The following ACACA variants were observed in gnomAD, a reference collection of about 807,000 sequenced individuals.
ACACA encodes the protein acetyl-CoA carboxylase 1.
A neutral mutation model predicts 296.1 loss-of-function variants in ACACA; 103 were observed. The observed-to-expected ratio is 0.35, with a 90% CI of 0.30 to 0.41. ACACA has a LOEUF of 0.41. Ranked by LOEUF, ACACA falls within the 10% of genes least tolerant of loss-of-function variation. The probability of loss-of-function intolerance (pLI) is 1.00; values close to 1 mark genes in which losing one functional copy is unlikely to be tolerated. For missense variants in ACACA, 1,554 were observed against 2,989.7 expected, an observed-to-expected ratio of 0.52 and a Z score of 11.20; for synonymous variants, 953 against 1,038.6, an observed-to-expected ratio of 0.92 and a Z score of 1.58.
chr17:37,320,694 C>A (rs756819604), intron 3 of ACACA, among the ~76,000 whole-genome samples: 1 of 152,010 alleles, frequency 6.6e-6, no homozygotes, highest in Non-Finnish European at 1.5e-5. Flanking sequence ...TGCCTGTAAT[C>A]CCAGCACTTT....
intron 1 of ACACA, among the ~76,000 whole-genome samples, chr17:37,351,686 G>T (rs1350880910): frequency 6.6e-6 from 1 of 152,096 alleles, no homozygotes; most frequent in Non-Finnish European, 1.5e-5. Context: ...TTATCTCCTA[G>T]ATGAGGCTGG....
chr17:37,258,524 A>C, intron 12 of ACACA, 151 bp from the exon 13 acceptor site: 1 of 741,090 alleles, frequency 1.3e-6, no homozygotes, highest in Non-Finnish European at 2.2e-6. Context: ...ATCAACTCTA[A>C]GTTGCTTGAA....
intron 19 of ACACA, 115 bp from the exon 20 acceptor site, chr17:37,245,329 G>GAAAAAA: frequency 9.8e-7 from 1 of 1,019,470 alleles, no homozygotes; most frequent in South Asian, 1.4e-5. Flanking sequence ...ATTTGACCAA[G>GAAAAAA]AAAAAATGGG....
chr17:37,402,498 C>G (rs2051325931), intron 1 of ACACA, among the ~76,000 whole-genome samples: 1 of 152,106 alleles, frequency 6.6e-6, no homozygotes, highest in South Asian at 2.1e-4. Context: ...CAAATGGAGA[C>G]TTTACTGAGA....
At chr17:37,181,084 G>A (rs1666094082) in intron 40 of ACACA, 117 bp downstream of exon 40, 3 of 1,070,320 alleles carry the variant, frequency 2.8e-6, no homozygotes, top group Non-Finnish European at 4.3e-6. Flanking sequence ...TGAAAACAGT[G>A]TCAAGATATT....
At chr17:37,166,319 T>G (rs568473905) in intron 41 of ACACA, among the ~76,000 whole-genome samples, 9 of 151,704 alleles carry the variant, frequency 5.9e-5, no homozygotes, top group Non-Finnish European at 1.2e-4. Flanking sequence ...TTTTATTTTT[T>G]GTAGAGATGG....
intron 2 of ACACA, 147 bp from the exon 3 acceptor site, chr17:37,330,572 G>A: frequency 2.0e-6 from 2 of 991,344 alleles, no homozygotes; most frequent in Non-Finnish European, 3.0e-6. Flanking sequence ...TCTATTTCAG[G>A]GCCTTTAATT....
Position 37,125,911 on chromosome 17 carries a change from A to C in ACACA, c.5945-117T>G, listed in dbSNP as rs1406289220. The C allele has an allele frequency of 1.0e-5, 9 of 870,852 alleles. No individual in the cohort carries two copies. The South Asian group carries it at 1.3e-4, about 12-fold the overall frequency. 53.9% of individuals were successfully genotyped at this position (870,852 alleles called of 1,614,324 possible). A position where few individuals can be genotyped will look rare whatever the true frequency, so the allele number is the denominator to read the frequency against. On this transcript the variant is annotated intron_variant, in intron 47 of 55. Transcript: ENST00000616317. ...TTATTTTGGGGAGTTTGTTGTTTTTAACCAAATTATAATAGATGGAAGCAT... is the reference window on the plus strand; with the variant it reads ...TTATTTTGGGGAGTTTGTTGTTTTTCACCAAATTATAATAGATGGAAGCAT...
chr17:37,260,288 ATATATATATTTTTTTT>A (rs1485160263), intron 11 of ACACA, among the ~76,000 whole-genome samples: 13 of 24,044 alleles, frequency 5.4e-4, no homozygotes, highest in Non-Finnish European at 6.2e-4. Flanking sequence ...ATATATATAT[ATATATATATTTTTTTT>A]TTTTTTTTTT....
At position 37,112,049 on chromosome 17, in the gene ACACA, ACTATCTAT is replaced by A. The variant is rs10531552; in HGVS notation, c.6453-414_6453-407del. Among the ~76,000 whole-genome samples the A allele has an allele frequency of 3.2e-4, 48 of 149,436 alleles. 1 individual carries two copies. The highest frequency in any genetic ancestry group is 2.0e-3 in the East Asian group (10 of 5,020). ...TAATGAAGGGCAATACTTCATCAATACTATCTATCTATCTATCTATCTATCTATCTATC... is the reference window on the plus strand; with the variant it reads ...TAATGAAGGGCAATACTTCATCAATACTATCTATCTATCTATCTATCTATC... On this transcript the variant is annotated intron_variant, in intron 51 of 55. Transcript: ENST00000616317.
At chr17:37,128,764 T>G (rs1355542266) in intron 47 of ACACA, among the ~76,000 whole-genome samples, 1 of 152,234 alleles carries the variant, frequency 6.6e-6, no homozygotes, top group Non-Finnish European at 1.5e-5. Context: ...TCTCACTCCA[T>G]GTATCTATAT....
At chr17:37,232,136 C>G (rs1487179474) in intron 25 of ACACA, among the ~76,000 whole-genome samples, 8 of 152,136 alleles carry the variant, frequency 5.3e-5, no homozygotes, top group Non-Finnish European at 2.9e-5. Context: ...GATGAAGGTA[C>G]CTCTTTACTA....
chr17:37,370,686 A>C (rs1193422164), intron 1 of ACACA, among the ~76,000 whole-genome samples: 2 of 150,832 alleles, frequency 1.3e-5, no homozygotes, highest in Non-Finnish European at 3.0e-5. Context: ...TAAATAAATA[A>C]ATAAATAAAA....
chr17:37,276,764 G>C (rs1044078535), intron 7 of ACACA, among the ~76,000 whole-genome samples: 2 of 152,136 alleles, frequency 1.3e-5, no homozygotes, highest in African/African-American at 4.8e-5. Context: ...GTTTTAAAAG[G>C]TCAGAGTTTT....
intron 29 of ACACA, among the ~76,000 whole-genome samples, chr17:37,220,293 G>C (rs1024344028): frequency 6.6e-6 from 1 of 152,190 alleles, no homozygotes; most frequent in Non-Finnish European, 1.5e-5. Flanking sequence ...GAACAATTAA[G>C]AGAGACAAGG....
intron 24 of ACACA, among the ~76,000 whole-genome samples, chr17:37,235,847 G>A (rs1369448335): frequency 6.6e-6 from 1 of 152,164 alleles, no homozygotes; most frequent in Non-Finnish European, 1.5e-5. Flanking sequence ...CCTTCCCTAA[G>A]GCCACCAGGG....
At chr17:37,335,571 T>C (rs1399590503) in intron 2 of ACACA, among the ~76,000 whole-genome samples, 3 of 152,182 alleles carry the variant, frequency 2.0e-5, no homozygotes, top group Admixed American at 2.0e-4. Context: ...CCATCTACAC[T>C]GAACAAGATT....
At chr17:37,268,849 C>A (rs759692866) in intron 10 of ACACA, among the ~76,000 whole-genome samples, 8 of 149,136 alleles carry the variant, frequency 5.4e-5, no homozygotes, top group Non-Finnish European at 1.0e-4. Flanking sequence ...AGGACTTTCA[C>A]AGAAAACCTT....
intron 3 of ACACA, among the ~76,000 whole-genome samples, chr17:37,286,227 A>T (rs1286089582): frequency 6.6e-6 from 1 of 151,960 alleles, no homozygotes; most frequent in Non-Finnish European, 1.5e-5. Context: ...ACATAAAATA[A>T]CAGTGTTTCT....
Sources: allele counts gnomAD v4.1 joint callset (sites outside exome capture counted in the v4.1 genomes callset), GRCh38; gene constraint gnomAD v4.1.1; transcripts MANE v1.5; gene names NCBI Gene and HGNC (gene_info 2026-07-23, HGNC 2026-07-21).